The following PARD3B variants were observed in gnomAD, a reference collection of about 807,000 sequenced individuals.
The protein encoded by PARD3B is par-3 family cell polarity regulator beta.
Under a neutral mutation model 130.2 loss-of-function variants are expected in PARD3B, and 103 were observed. The ratio of observed to expected loss-of-function variants is 0.79; its 90% CI spans 0.67 to 0.93. PARD3B has a LOEUF of 0.93. PARD3B is among the 40% of genes least tolerant of loss of function. PARD3B has a pLI of 0.00. For missense variants in PARD3B, 1,609 were observed against 1,499.2 expected (o/e 1.07, Z -1.21); for synonymous variants, 583 against 553.2 (o/e 1.05, Z -0.76).
In PARD3B at chr2:205,524,323, A is replaced by G. The variant is rs956449917; in HGVS notation, c.3180+24292A>G. ...CATCACCTTACATCTGAAGATTTGTAGAAGAGTCCCCTCAAACCTCAACAT... is the reference window on the plus strand; with the variant it reads ...CATCACCTTACATCTGAAGATTTGTGGAAGAGTCCCCTCAAACCTCAACAT... On this transcript the variant is annotated intron_variant, in intron 21 of 22. Coordinates refer to ENST00000406610, the MANE Select transcript of PARD3B (RefSeq NM_001302769.2). Among the ~76,000 whole-genome samples the G allele has an allele frequency of 3.9e-5, 6 of 152,290 alleles. No homozygotes were observed. The South Asian group carries it at 6.2e-4, about 16-fold the overall frequency.
rs1044391219 is a variant in PARD3B, at chr2:204,784,870, A to T, written c.222+98588A>T. Among the ~76,000 whole-genome samples, 3 of 152,192 alleles carry T rather than the reference A, an allele frequency of 2.0e-5. No individual in the cohort carries two copies. In the South Asian group the frequency reaches 6.2e-4, roughly 31 times the overall value. ...ATCAATGATTTAACATTTGATTTAT[A>T]CTGTTCTATCAGCATTCTTTCTCAA... On this transcript the variant is annotated intron_variant, in intron 2 of 22. Coordinates refer to ENST00000406610, the MANE Select transcript of PARD3B (RefSeq NM_001302769.2).
chr2:205,581,076 C>T (rs2053946308), intron 22 of PARD3B, among the ~76,000 whole-genome samples: 1 of 151,770 alleles, frequency 6.6e-6, no homozygotes, highest in Admixed American at 6.6e-5. Context: ...CATTAAGATA[C>T]CTAAGCATTT....
chr2:205,252,289 A>C (rs935786010), intron 16 of PARD3B, among the ~76,000 whole-genome samples: 2 of 152,184 alleles, frequency 1.3e-5, no homozygotes, highest in Admixed American at 6.5e-5. Context: ...CTCTACACAG[A>C]TATTGTGTTA....
intron 19 of PARD3B, 41 bp downstream of exon 19, chr2:205,401,164 T>C: frequency 6.8e-7 from 1 of 1,459,878 alleles, no homozygotes; most frequent in South Asian, 1.2e-5. Context: ...TTTGACTCTA[T>C]GGTCTGGGTT....
chr2:204,789,714 T>TTA (rs2042133346), intron 2 of PARD3B, among the ~76,000 whole-genome samples: 1 of 152,186 alleles, frequency 6.6e-6, no homozygotes, highest in South Asian at 2.1e-4. Flanking sequence ...TCGGAAATTT[T>TTA]TAGTCTGTTA....
chr2:204,552,967 A>G (rs865811642), intron 1 of PARD3B, among the ~76,000 whole-genome samples: 2 of 152,318 alleles, frequency 1.3e-5, no homozygotes, highest in Middle Eastern at 6.8e-3. Context: ...GTGTAAACAG[A>G]CAACCCACAG....
chr2:204,951,344 T>A (rs1005147662), intron 2 of PARD3B, among the ~76,000 whole-genome samples: 1 of 152,206 alleles, frequency 6.6e-6, no homozygotes, highest in Non-Finnish European at 1.5e-5. Context: ...TATGTAGATC[T>A]CTGTTACTGG....
At chr2:204,852,865 G>A (rs966263195) in intron 2 of PARD3B, among the ~76,000 whole-genome samples, 1 of 152,024 alleles carries the variant, frequency 6.6e-6, no homozygotes, top group Non-Finnish European at 1.5e-5. Context: ...ATATAATAAA[G>A]GAAAGCCCAC....
intron 18 of PARD3B, among the ~76,000 whole-genome samples, chr2:205,318,641 T>G (rs1297707685): frequency 6.6e-6 from 1 of 152,160 alleles, no homozygotes; most frequent in East Asian, 1.9e-4. Context: ...CCTTTAGCAT[T>G]TAACATTTAT....
chr2:205,266,747 G>A (rs1026373953), intron 16 of PARD3B, among the ~76,000 whole-genome samples: 1 of 152,062 alleles, frequency 6.6e-6, no homozygotes, highest in African/African-American at 2.4e-5. Context: ...AGCAATTAAA[G>A]GATTCTTTTC....
chr2:205,035,865 GATATATAAA>G (rs1431635531), intron 3 of PARD3B, among the ~76,000 whole-genome samples: 2 of 109,196 alleles, frequency 1.8e-5, no homozygotes, highest in African/African-American at 7.5e-5. Flanking sequence ...ATATATATGA[GATATATAAA>G]ATATATAATA....
At chr2:204,870,893 T>C (rs1462980879) in intron 2 of PARD3B, among the ~76,000 whole-genome samples, 1 of 152,180 alleles carries the variant, frequency 6.6e-6, no homozygotes, top group Admixed American at 6.5e-5. Context: ...AGCAACAAAT[T>C]ATATTTAGAG....
chr2:204,688,308 G>A (rs2037183830), intron 2 of PARD3B, among the ~76,000 whole-genome samples: 1 of 152,026 alleles, frequency 6.6e-6, no homozygotes, highest in Non-Finnish European at 1.5e-5. Context: ...TAAGTGGCAC[G>A]GTGGCTCATG....
At position 205,478,416 on chromosome 2, in the gene PARD3B, T is replaced by C. The variant is rs553674151; in HGVS notation, c.3045-21480T>C. Among the ~76,000 whole-genome samples, 5 of 152,330 alleles carry C rather than the reference T, an allele frequency of 3.3e-5. No homozygotes were observed. The South Asian group carries it at 6.2e-4, about 19-fold the overall frequency. On this transcript the variant is annotated intron_variant, in intron 20 of 22. Transcript: ENST00000406610. ...ACCTAGAGCATCACATTGAGTGGGTTTTCATGGTTTTCTACATTGTCTGCT... is the reference window on the plus strand; with the variant it reads ...ACCTAGAGCATCACATTGAGTGGGTCTTCATGGTTTTCTACATTGTCTGCT...
chr2:204,686,524 A>G (rs1183777982), intron 2 of PARD3B, among the ~76,000 whole-genome samples: 1 of 152,152 alleles, frequency 6.6e-6, no homozygotes, highest in Non-Finnish European at 1.5e-5. Context: ...AGAGTTTCTG[A>G]TATGTCTTAA....
chr2:205,126,602 C>T (rs1028048060), intron 10 of PARD3B, among the ~76,000 whole-genome samples: 5 of 150,894 alleles, frequency 3.3e-5, no homozygotes, highest in South Asian at 4.2e-4. Context: ...AAAAATTAGC[C>T]GGGCGCGGTG....
Position 205,516,930 on chromosome 2 carries a change from G to A in PARD3B, c.3180+16899G>A, listed in dbSNP as rs759454451. 3.9e-4 allele frequency among the ~76,000 whole-genome samples: 59 copies of A among 151,968 alleles called. 1 individual carries two copies. The highest frequency in any genetic ancestry group is 7.4e-5 in the Non-Finnish European group (5 of 67,964). ...CATAGATGGCTCTTATTATTTTGAGGTATATTCCTTCAGTACCTAGTTTAT... is the reference window on the plus strand; with the variant it reads ...CATAGATGGCTCTTATTATTTTGAGATATATTCCTTCAGTACCTAGTTTAT... On this transcript the variant is annotated intron_variant, in intron 21 of 22. Coordinates refer to ENST00000406610, the MANE Select transcript of PARD3B (RefSeq NM_001302769.2).
intron 2 of PARD3B, among the ~76,000 whole-genome samples, chr2:204,881,846 A>G (rs868047569): frequency 2.0e-5 from 3 of 152,140 alleles, no homozygotes; most frequent in Non-Finnish European, 2.9e-5. Context: ...CTCTTTTTCT[A>G]TCTGAGAGCT....
chr2:204,873,606 C>T (rs1456960677), intron 2 of PARD3B, among the ~76,000 whole-genome samples: 1 of 152,114 alleles, frequency 6.6e-6, no homozygotes, highest in Non-Finnish European at 1.5e-5. Flanking sequence ...GGTAGGCAAA[C>T]AGTACATGAG....
Sources: allele counts gnomAD v4.1 joint callset (sites outside exome capture counted in the v4.1 genomes callset), GRCh38; gene constraint gnomAD v4.1.1; transcripts MANE v1.5; gene names NCBI Gene and HGNC (gene_info 2026-07-23, HGNC 2026-07-21).